The following EYS variants were observed in gnomAD, a reference collection of about 807,000 sequenced individuals.
EYS encodes EGF-like photoreceptor maintenance factor.
A neutral mutation model predicts 282.1 loss-of-function variants in EYS; 250 were observed. The ratio of observed to expected loss-of-function variants is 0.89; its 90% confidence interval spans 0.80 to 0.98. The LOEUF is 0.98. Among genes scored for constraint, EYS ranks in the 50% least tolerant of loss-of-function variants. The probability of loss-of-function intolerance (pLI) is 0.00; values close to 1 mark genes in which losing one functional copy is unlikely to be tolerated. For missense variants in EYS, 4,016 were observed against 3,709.0 expected, an observed-to-expected ratio of 1.08 and a Z score of -2.15; for synonymous variants, 1,355 against 1,282.9, an observed-to-expected ratio of 1.06 and a Z score of -1.20.
At chr6:64,545,631 C>A (rs1394933583) in intron 26 of EYS, among the ~76,000 whole-genome samples, 2 of 152,196 alleles carry the variant, frequency 1.3e-5, no homozygotes, top group Non-Finnish European at 2.9e-5. Context: ...CCCATCGTCT[C>A]AGCCCAAAAT....
At chr6:63,982,594 G>T (rs6454560) in intron 35 of EYS, among the ~76,000 whole-genome samples, 57,043 of 151,480 alleles carry the variant, frequency 0.38, 10,976 homozygotes, top group African/African-American at 0.46. Context: ...GGCAGCAAAA[G>T]AGATAATCTC....
intron 12 of EYS, 197 bp downstream of exon 12, chr6:65,295,666 T>C: frequency 3.4e-6 from 2 of 582,946 alleles, no homozygotes; most frequent in Non-Finnish European, 6.0e-6. Flanking sequence ...CAAGGCTGTG[T>C]AGTCAGATTA....
At chr6:65,545,124 AAAG>A (rs1361624901) in intron 2 of EYS, among the ~76,000 whole-genome samples, 3 of 152,118 alleles carry the variant, frequency 2.0e-5, no homozygotes, top group African/African-American at 7.2e-5. Context: ...TAGTTTAAAG[AAAG>A]AAGATGTTAA....
chr6:64,784,456 G>A (rs1773955515), intron 22 of EYS, among the ~76,000 whole-genome samples: 1 of 152,002 alleles, frequency 6.6e-6, no homozygotes, highest in Non-Finnish European at 1.5e-5. Context: ...AGGTAATATG[G>A]TTTGCTAGCT....
chr6:65,265,956 T>G (rs1290911920), intron 12 of EYS, among the ~76,000 whole-genome samples: 1 of 151,890 alleles, frequency 6.6e-6, no homozygotes, highest in Admixed American at 6.6e-5. Context: ...TAATTTTGAG[T>G]ACACATCTAA....
rs1306272666 is a variant in EYS, at chr6:64,104,777, A to C, written c.6425-22775T>G. ...TTTTTTTTTTTTTAAAGAAATATACAGTAGTTTCCAAACTTGTTATTTTGC... is the reference window on the plus strand; with the variant it reads ...TTTTTTTTTTTTTAAAGAAATATACCGTAGTTTCCAAACTTGTTATTTTGC... On this transcript the variant is annotated intron_variant, in intron 31 of 42. Transcript: ENST00000503581. 2.0e-5 allele frequency among the ~76,000 whole-genome samples: 3 copies of C among 149,626 alleles called. No homozygotes were observed. The East Asian group carries it at 5.8e-4, about 29-fold the overall frequency.
chr6:65,076,254 A>G (rs1774047841), intron 12 of EYS, among the ~76,000 whole-genome samples: 1 of 152,060 alleles, frequency 6.6e-6, no homozygotes, highest in African/African-American at 2.4e-5. Context: ...TAGGGGACTT[A>G]AAACTAGGAA....
chr6:64,661,276 T>C (rs942273889), intron 22 of EYS, among the ~76,000 whole-genome samples: 3 of 152,086 alleles, frequency 2.0e-5, no homozygotes, highest in South Asian at 2.1e-4. Context: ...CCTGAAACCA[T>C]AAAAACCCTA....
intron 12 of EYS, among the ~76,000 whole-genome samples, chr6:65,123,931 G>A (rs1775643397): frequency 6.6e-6 from 1 of 152,068 alleles, no homozygotes; most frequent in Admixed American, 6.6e-5. Context: ...TGTAATCCCA[G>A]CACTTTGGGA....
At chr6:65,592,112 A>T (rs1277326608) in intron 2 of EYS, among the ~76,000 whole-genome samples, 1 of 152,014 alleles carries the variant, frequency 6.6e-6, no homozygotes, top group East Asian at 1.9e-4. Context: ...ACTAATTTTG[A>T]TCATTTTTTC....
Position 65,662,506 on chromosome 6 carries a change from T to G in EYS, c.-447-22614A>C, listed in dbSNP as rs16897018. ...ATTTAGAACAATCTATTTTGCATTG[T>G]TACATACTTATACAATTGCAATTAA... On this transcript the variant is annotated intron_variant, in intron 1 of 42. Coordinates refer to ENST00000503581, the MANE Select transcript of EYS (RefSeq NM_001142800.2). Among the ~76,000 whole-genome samples the G allele has an allele frequency of 9.4e-3, 1,438 of 152,310 alleles. 24 individuals carry two copies. Among genetic ancestry groups the G allele is most frequent in the African/African-American group, 0.033 (1,355 of 41,570 alleles).
intron 8 of EYS, among the ~76,000 whole-genome samples, chr6:65,354,414 A>T (rs1335311216): frequency 2.6e-5 from 4 of 152,134 alleles, no homozygotes; most frequent in Non-Finnish European, 5.9e-5. Flanking sequence ...TTACTACACT[A>T]AGTAAGCATT....
rs1248552647 is a variant in EYS, at chr6:65,263,806, C to A, written c.2023+32057G>T. 2.7e-4 allele frequency among the ~76,000 whole-genome samples: 41 copies of A among 151,104 alleles called. 1 individual carries two copies. ...TTGTCAGTTACTTGATAGGCAGAGGCAGGACGGTCACTTGAGCCCAGGAGT... is the reference window on the plus strand; with the variant it reads ...TTGTCAGTTACTTGATAGGCAGAGGAAGGACGGTCACTTGAGCCCAGGAGT... On this transcript the variant is annotated intron_variant, in intron 12 of 42. Coordinates refer to ENST00000503581, the MANE Select transcript of EYS (RefSeq NM_001142800.2).
At chr6:63,995,135 T>A (rs1767776594) in intron 34 of EYS, among the ~76,000 whole-genome samples, 1 of 151,860 alleles carries the variant, frequency 6.6e-6, no homozygotes, top group Non-Finnish European at 1.5e-5. Flanking sequence ...TGATAAGGAG[T>A]TAATATCCAA....
intron 31 of EYS, among the ~76,000 whole-genome samples, chr6:64,167,191 C>A (rs753939104): frequency 2.6e-5 from 4 of 152,082 alleles, no homozygotes; most frequent in Non-Finnish European, 5.9e-5. Context: ...ATAAGAGAAT[C>A]ATACCGCAAG....
At chr6:64,049,189 G>A (rs998616616) in intron 33 of EYS, among the ~76,000 whole-genome samples, 9 of 151,988 alleles carry the variant, frequency 5.9e-5, no homozygotes, top group Admixed American at 2.6e-4. Context: ...TTAAACATAC[G>A]GAAAAGTTAA....
In EYS at chr6:64,435,074, C is replaced by T. The variant is rs565869801; in HGVS notation, c.5927+1100G>A. Among the ~76,000 whole-genome samples the T allele has an allele frequency of 8.6e-5, 13 of 152,002 alleles. No individual in the cohort carries two copies. In the South Asian group the frequency reaches 2.5e-3, roughly 29 times the overall value. ...GGCATTTTCCAAAGTGTACTGCCCC[C>T]AGCATTTGTTATTTAGGAGATTAAA... On this transcript the variant is annotated intron_variant, in intron 28 of 42. Transcript: ENST00000503581.
Position 63,720,983 on chromosome 6 carries a change from C to G in EYS, c.9048G>C (p.Gln3016His), listed in dbSNP as rs1174889920. Residue 3016 changes from glutamine (Q) to histidine (H), a missense_variant, in exon 43 of 43, where the codon CAG (glutamine) becomes CAC (histidine). By Grantham distance (24) the Gln-to-His change is conservative. Transcript: ENST00000503581. ...CCAAGTTAACTGCTATTTTCAAGGT[C>G]TGATTATGGAGACCAATTGCCAGAA... ...NDFLAIGLHNQTLKIAVNLGE... is the reference protein window; with the variant it reads ...NDFLAIGLHNHTLKIAVNLGE... The G allele has an allele frequency of 1.3e-6, 2 of 1,551,240 alleles. No homozygotes were observed. The highest frequency in any genetic ancestry group is 2.7e-5 in the African/African-American group (2 of 73,016).
chr6:64,951,073 T>C (rs1769489245), intron 14 of EYS, among the ~76,000 whole-genome samples: 1 of 151,508 alleles, frequency 6.6e-6, no homozygotes, highest in Non-Finnish European at 1.5e-5. Context: ...ATTAGGTCCG[T>C]GAAGAGAAGA....
Sources: allele counts gnomAD v4.1 joint callset (sites outside exome capture counted in the v4.1 genomes callset), GRCh38; gene constraint gnomAD v4.1.1; transcripts MANE v1.5; gene names NCBI Gene and HGNC (gene_info 2026-07-23, HGNC 2026-07-21).